Variants in NR3C1 observed in about 807,000 individuals in gnomAD.
The protein encoded by NR3C1 is nuclear receptor subfamily 3 group C member 1.
In NR3C1, 14 loss-of-function variants were observed where a neutral mutation model predicts 74.0. The ratio of observed to expected loss-of-function variants is 0.19; its 90% CI spans 0.12 to 0.30. NR3C1 has a LOEUF of 0.30. Ranked by LOEUF, NR3C1 falls within the 10% of genes least tolerant of loss-of-function variation. NR3C1 has a pLI of 1.00. For synonymous variants in NR3C1, 308 were observed against 332.5 expected (o/e 0.93, Z 0.80); for missense variants, 695 against 909.8 (o/e 0.76, Z 3.04).
chr5:143,306,748 T>C (rs1376203246), intron 4 of NR3C1, among the ~76,000 whole-genome samples: 2 of 152,158 alleles, frequency 1.3e-5, no homozygotes, highest in East Asian at 1.9e-4. Context: ...AAGACTAACA[T>C]GTAGTAGTTT....
At position 143,403,493 on chromosome 5, in the gene NR3C1, C is replaced by G. The variant is rs2151949322; in HGVS notation, c.-296G>C. ...CCGTCCCGGTCCCAGCTGCTTCGGC[C>G]GCTCCGGCTGCGGCGTCTCCTTCCA... On this transcript the variant is annotated 5_prime_UTR_variant, in exon 1 of 9. Coordinates refer to ENST00000394464, the MANE Select transcript of NR3C1 (RefSeq NM_000176.3). 1 of 985,374 alleles carries G rather than the reference C, an allele frequency of 1.0e-6. No homozygotes were observed. The highest frequency in any genetic ancestry group is 1.2e-6 in the Non-Finnish European group (1 of 829,970). 61.0% of individuals were successfully genotyped at this position (985,374 alleles called of 1,614,324 possible). A position where few individuals can be genotyped will look rare whatever the true frequency, so the allele number is the denominator to read the frequency against.
At chr5:143,313,762 T>C (rs10482668) in intron 3 of NR3C1, among the ~76,000 whole-genome samples, 1 of 152,128 alleles carries the variant, frequency 6.6e-6, no homozygotes, top group Non-Finnish European at 1.5e-5. Flanking sequence ...AGTGTTACCT[T>C]ATGCTCCCTG....
intron 1 of NR3C1, among the ~76,000 whole-genome samples, chr5:143,429,845 C>T (rs113394833): frequency 1.3e-5 from 2 of 151,674 alleles, no homozygotes; most frequent in Non-Finnish European, 1.5e-5. Flanking sequence ...TTTGGGAGGC[C>T]GAGGTGGGCA....
At chr5:143,416,608 A>G (rs1208261968) in intron 1 of NR3C1, among the ~76,000 whole-genome samples, 1 of 152,092 alleles carries the variant, frequency 6.6e-6, no homozygotes, top group African/African-American at 2.4e-5. Context: ...CTTCCTCTTC[A>G]GCCAGCTGGA....
At chr5:143,430,483 TC>T (rs1751760173) in intron 1 of NR3C1, among the ~76,000 whole-genome samples, 1 of 152,222 alleles carries the variant, frequency 6.6e-6, no homozygotes. Context: ...TGTTTGTGTC[TC>T]CCCAAAATTC....
At chr5:143,372,755 G>A (rs1374614892) in intron 2 of NR3C1, among the ~76,000 whole-genome samples, 1 of 152,118 alleles carries the variant, frequency 6.6e-6, no homozygotes, top group Non-Finnish European at 1.5e-5. Context: ...CCCTTGTACA[G>A]TACAATCGTT....
At chr5:143,420,352 G>A (rs1171691446) in intron 1 of NR3C1, among the ~76,000 whole-genome samples, 4 of 152,166 alleles carry the variant, frequency 2.6e-5, no homozygotes, top group Admixed American at 2.6e-4. Context: ...CACAATTTGT[G>A]TTTAGAGATT....
At chr5:143,433,506 A>G (rs2151965544) in intron 1 of NR3C1, among the ~76,000 whole-genome samples, 1 of 55,098 alleles carries the variant, frequency 1.8e-5, no homozygotes, top group Non-Finnish European at 4.9e-5. Context: ...TAAAGGCAGA[A>G]TGTCCAAGAC....
chr5:143,334,929 G>T (rs1402572493), intron 2 of NR3C1, among the ~76,000 whole-genome samples: 1 of 152,094 alleles, frequency 6.6e-6, no homozygotes, highest in Admixed American at 6.6e-5. Flanking sequence ...GTGCGAAAAA[G>T]AATAAAATAA....
chr5:143,313,949 T>G, intron 3 of NR3C1, 53 bp downstream of exon 3: 2 of 1,592,230 alleles, frequency 1.3e-6, no homozygotes, highest in Non-Finnish European at 1.7e-6. Context: ...AAATCCACCC[T>G]GAGAAATGAA....
rs1036459600 is a variant in NR3C1, at chr5:143,403,385, G to T, written c.-188C>A. ...GGGTGGGGGGAGAGCCCCTATTTAA[G>T]AAAGTCTCCCATTGCCCAGCTGACA... On this transcript the variant is annotated 5_prime_UTR_variant, in exon 1 of 9. Coordinates refer to ENST00000394464, the MANE Select transcript of NR3C1 (RefSeq NM_000176.3). The T allele has an allele frequency of 1.0e-6, 1 of 985,318 alleles. No homozygotes were observed. The highest frequency in any genetic ancestry group is 1.7e-5 in the African/African-American group (1 of 57,234). The allele number at this position is 985,318 out of a possible 1,614,324, so 61.0% of individuals were successfully genotyped here. A position where few individuals can be genotyped will look rare whatever the true frequency, so the allele number is the denominator to read the frequency against.
At position 143,298,338 on chromosome 5, in the gene NR3C1, C is replaced by T. The variant is rs568076528; in HGVS notation, c.1892+330G>A. Among the ~76,000 whole-genome samples, 25 of 152,312 alleles carry T rather than the reference C, an allele frequency of 1.6e-4. No individual in the cohort carries two copies. The South Asian group carries it at 4.6e-3, about 28-fold the overall frequency. ...CCCACTGAATCCACATGAGTTTTACCATGCTCCTTTTTCTTTCTGGAATAG... is the reference window on the plus strand; with the variant it reads ...CCCACTGAATCCACATGAGTTTTACTATGCTCCTTTTTCTTTCTGGAATAG... On this transcript the variant is annotated intron_variant, in intron 6 of 8. Coordinates refer to ENST00000394464, the MANE Select transcript of NR3C1 (RefSeq NM_000176.3).
At chr5:143,282,814 G>A in intron 7 of NR3C1, 89 bp from the exon 8 acceptor site, 3 of 1,398,306 alleles carry the variant, frequency 2.1e-6, no homozygotes, top group South Asian at 1.3e-5. Context: ...GGGTCTCACT[G>A]TGTCATCCAG....
At chr5:143,293,258 G>A (rs1044652932) in intron 7 of NR3C1, among the ~76,000 whole-genome samples, 8 of 152,150 alleles carry the variant, frequency 5.3e-5, no homozygotes, top group African/African-American at 1.9e-4. Context: ...AACCATTATT[G>A]TAAGTGAAGT....
intron 1 of NR3C1, among the ~76,000 whole-genome samples, chr5:143,423,486 C>G (rs1382985272): frequency 6.6e-6 from 1 of 152,056 alleles, no homozygotes; most frequent in East Asian, 1.9e-4. Flanking sequence ...AAGGGGAACC[C>G]TCATACACTG....
At chr5:143,434,777 GC>G in exon 1 of NR3C1, 1 of 985,408 alleles carries the variant, frequency 1.0e-6, no homozygotes, top group Non-Finnish European at 1.2e-6. Context: ...CCTTTCCTGG[GC>G]TAACTGCTCT....
intron 2 of NR3C1, among the ~76,000 whole-genome samples, chr5:143,387,612 T>C (rs1262859187): frequency 6.6e-6 from 1 of 152,166 alleles, no homozygotes; most frequent in Non-Finnish European, 1.5e-5. Context: ...AGTTCATTCT[T>C]AAATGACCTC....
intron 4 of NR3C1, among the ~76,000 whole-genome samples, chr5:143,307,096 C>T (rs1819792750): frequency 6.6e-6 from 1 of 151,910 alleles, no homozygotes; most frequent in African/African-American, 2.4e-5. Flanking sequence ...CGGGGTTTCA[C>T]CGTGTTAGCC....
chr5:143,306,748 T>TGTAGTA (rs1008483896), intron 4 of NR3C1, among the ~76,000 whole-genome samples: 1 of 152,158 alleles, frequency 6.6e-6, no homozygotes, highest in Non-Finnish European at 1.5e-5. Flanking sequence ...AAGACTAACA[T>TGTAGTA]GTAGTAGTTT....
Sources: gnomAD v4.1 joint callset for allele counts (sites outside exome capture counted in the v4.1 genomes callset) on GRCh38, gnomAD v4.1.1 for gene constraint, MANE v1.5 for transcripts, NCBI Gene and HGNC (gene_info 2026-07-23, HGNC 2026-07-21) for gene names.